PPP2R1A: variants seen among roughly 807,000 people sequenced by gnomAD.
PPP2R1A encodes the protein protein phosphatase 2 scaffold subunit Aalpha.
PPP2R1A carries 15 observed loss-of-function variants against 67.1 expected under a neutral mutation model. The ratio of observed to expected loss-of-function variants is 0.22; its 90% CI spans 0.15 to 0.34. The LOEUF (loss-of-function observed/expected upper bound fraction) is 0.34, where lower values mean the gene tolerates loss of function less well. Among genes scored for constraint, PPP2R1A ranks in the 10% least tolerant of loss-of-function variants. The pLI is 1.00. For missense variants in PPP2R1A, 369 were observed against 775.0 expected (o/e 0.48, Z 6.22); for synonymous variants, 337 against 325.0 (o/e 1.04, Z -0.40).
rs940712029 is a variant in PPP2R1A at position 52,213,526 on chromosome 19, C to T, written c.807+416C>T. Among the ~76,000 whole-genome samples the T allele has an allele frequency of 1.4e-4, 20 of 141,018 alleles. No individual in the cohort carries two copies. Among genetic ancestry groups the T allele is most frequent in the African/African-American group, 3.8e-4 (14 of 37,134 alleles). 92.5% of individuals were successfully genotyped at this position (141,018 alleles called of 152,430 possible). A position where few individuals can be genotyped will look rare whatever the true frequency, so the allele number is the denominator to read the frequency against. On this transcript the variant is annotated intron_variant, in intron 6 of 14. Coordinates refer to ENST00000322088, the MANE Select transcript of PPP2R1A (RefSeq NM_014225.6). The surrounding 1 kb of genome is among the most constrained non-coding windows in gnomAD (Gnocchi z 4.2). ...TCGCCCAGGCTAGAGTCTTGTTACC[C>T]AGCTGGAGTGTGGTGGCGCAATCTT...
In PPP2R1A at chr19:52,226,101, G is replaced by T. The variant is rs994091743; in HGVS notation, c.*120G>T. 1.4e-6 allele frequency: 2 copies of T among 1,479,092 alleles called. No individual in the cohort carries two copies. Among genetic ancestry groups the T allele is most frequent in the Admixed American group, 1.7e-5 (1 of 57,368 alleles). 91.6% of individuals were successfully genotyped at this position (1,479,092 alleles called of 1,614,324 possible). On this transcript the variant is annotated 3_prime_UTR_variant, in exon 15 of 15. Transcript: ENST00000322088. ...CTCCCTGTGCATGGTCTGACCCCAG[G>T]CCCCTTCCCCCAGCACGGTTCCTCC...
Position 52,202,033 on chromosome 19 carries a change from A to C in PPP2R1A, c.168A>C (p.Thr56=), listed in dbSNP as rs766816615. ...RTRSELLPFL[T]DTIYDEDEVL... ...GAAGTGAGCTTCTGCCTTTCCTTAC[A>C]GGTAACAAAGGGGACCCCTGGGGCC... The change falls in exon 2 of 15, where the codon ACA becomes ACC. Residue 56 remains threonine (T), a splice_region_variant and synonymous_variant. Coordinates refer to ENST00000322088, the MANE Select transcript of PPP2R1A (RefSeq NM_014225.6). The C allele has an allele frequency of 6.2e-7, 1 of 1,613,942 alleles. No homozygotes were observed. Among genetic ancestry groups the C allele is most frequent in the South Asian group, 1.1e-5 (1 of 91,068 alleles).
chr19:52,190,124 C>G lies in PPP2R1A; in HGVS notation c.28C>G (p.Leu10Val), dbSNP rs1298006628. MAAADGDDS[L>V]YPIAVLIDEL... ...GGCGGCGGCCGACGGCGACGACTCG[C>G]TGTACCCCATCGCGGTGCTCATAGA... is the stretch of plus-strand genomic sequence containing the variant. Residue 10 changes from leucine to valine, a missense_variant, in exon 1 of 15, where the codon CTG becomes GTG. Transcript: ENST00000322088. 6.4e-7 allele frequency: 1 copy of G among 1,550,546 alleles called. No homozygotes were observed. The highest frequency in any genetic ancestry group is 1.4e-5 in the African/African-American group (1 of 72,938).
intron 11 of PPP2R1A, 121 bp from the exon 12 acceptor site, chr19:52,220,855 TGGC>T: frequency 8.7e-7 from 1 of 1,154,638 alleles, no homozygotes; most frequent in African/African-American, 1.6e-5. Flanking sequence ...TTTCTCTCTT[TGGC>T]TCACATGCAG....
chr19:52,222,994 C>A (rs944292572), intron 13 of PPP2R1A, among the ~76,000 whole-genome samples: 16 of 152,202 alleles, frequency 1.1e-4, no homozygotes, highest in African/African-American at 3.6e-4. Flanking sequence ...ATTGACACTT[C>A]TAATGAACAA....
chr19:52,190,067 G>A lies in PPP2R1A; in HGVS notation c.-30G>A, dbSNP rs2122267362. Reference sequence around the variant, plus strand: ...CCCACGTTTCAGCACAGCGCTGGCCGCAGTCTGACAGGAAAGGGACGGAGC... The same window carrying A: ...CCCACGTTTCAGCACAGCGCTGGCCACAGTCTGACAGGAAAGGGACGGAGC... On this transcript the variant is annotated 5_prime_UTR_variant, in exon 1 of 15. Transcript: ENST00000322088. 1 of 1,537,938 alleles carries A rather than the reference G, an allele frequency of 6.5e-7. No individual in the cohort carries two copies. The highest frequency in any genetic ancestry group is 8.8e-7 in the Non-Finnish European group (1 of 1,138,342).
rs2089680871 is a variant in PPP2R1A at position 52,212,612 on chromosome 19, C to A, written c.504-74C>A. 3 of 1,554,524 alleles carry A rather than the reference C, an allele frequency of 1.9e-6. No individual in the cohort carries two copies. The highest frequency in any genetic ancestry group is 1.1e-5 in the South Asian group (1 of 87,246). On this transcript the variant is annotated intron_variant, in intron 4 of 14. Coordinates refer to ENST00000322088, the MANE Select transcript of PPP2R1A (RefSeq NM_014225.6). The surrounding 1 kb of genome is among the most constrained non-coding windows in gnomAD (Gnocchi z 4.1). The stretch of plus-strand genomic sequence containing the variant: ...CATTCAGCTAAAACCTGGACCCACA[C>A]AACTGCAGAGTCTGTGCTTGCTCCT...
rs2089680615 is a variant in PPP2R1A at position 52,212,583 on chromosome 19, A to G, written c.504-103A>G. ...CAGAGAGGGGGTCATCACTTGCCCA[A>G]GGTCATTCAGCTAAAACCTGGACCC... On this transcript the variant is annotated intron_variant, in intron 4 of 14. Coordinates refer to ENST00000322088, the MANE Select transcript of PPP2R1A (RefSeq NM_014225.6). This position sits in a 1 kb window ranked among gnomAD's most constrained non-coding sequence, Gnocchi z 4.1. 15 of 1,404,314 alleles carry G rather than the reference A, an allele frequency of 1.1e-5. No homozygotes were observed. The highest frequency in any genetic ancestry group is 3.9e-5 in the South Asian group (3 of 77,156). 87.0% of individuals were successfully genotyped at this position (1,404,314 alleles called of 1,614,324 possible). A position where few individuals can be genotyped will look rare whatever the true frequency, so the allele number is the denominator to read the frequency against.
intron 1 of PPP2R1A, among the ~76,000 whole-genome samples, chr19:52,192,011 T>C (rs913570493): frequency 7.3e-5 from 11 of 151,700 alleles, no homozygotes; most frequent in African/African-American, 2.7e-4. Context: ...AGACAGACAA[T>C]AAACAGAGTA....
At chr19:52,191,662 T>G (rs1053422505) in intron 1 of PPP2R1A, among the ~76,000 whole-genome samples, 1 of 152,236 alleles carries the variant, frequency 6.6e-6, no homozygotes, top group African/African-American at 2.4e-5. Context: ...TCTCTAGGCC[T>G]GTTTCCTCTT....
chr19:52,227,257 C>T lies in PPP2R1A; in HGVS notation c.*1276C>T, dbSNP rs2122387492. ...GCGTCATCCCCCACCTTTCCTCCTT[C>T]CTGCACTCTGGAATGTGGACCAGAT... On this transcript the variant is annotated 3_prime_UTR_variant, in exon 15 of 15. Transcript: ENST00000322088. 6.6e-6 allele frequency: 1 copy of T among 152,328 alleles called. No individual in the cohort carries two copies. The highest frequency in any genetic ancestry group is 2.1e-4 in the South Asian group (1 of 4,826). 9.4% of individuals were successfully genotyped at this position (152,328 alleles called of 1,614,324 possible). A position where few individuals can be genotyped will look rare whatever the true frequency, so the allele number is the denominator to read the frequency against.
At chr19:52,208,088 C>T (rs2089623559) in intron 3 of PPP2R1A, among the ~76,000 whole-genome samples, 2 of 152,198 alleles carry the variant, frequency 1.3e-5, no homozygotes, top group African/African-American at 4.8e-5. Flanking sequence ...GACCCACTCC[C>T]GGCCCTTGCT....
At chr19:52,194,847 G>A (rs2089484073) in intron 1 of PPP2R1A, among the ~76,000 whole-genome samples, 1 of 152,198 alleles carries the variant, frequency 6.6e-6, no homozygotes, top group Non-Finnish European at 1.5e-5. Flanking sequence ...GTCATATGGT[G>A]GGGATTGAGC....
At chr19:52,202,623 C>G (rs1378872305) in intron 2 of PPP2R1A, among the ~76,000 whole-genome samples, 2 of 152,140 alleles carry the variant, frequency 1.3e-5, no homozygotes, top group African/African-American at 2.4e-5. Context: ...TGAAGTGATT[C>G]ATTTGCCCAA....
At position 52,226,204 on chromosome 19, in the gene PPP2R1A, C is replaced by T. The variant is rs978492645; in HGVS notation, c.*223C>T. 5 of 653,392 alleles carry T rather than the reference C, an allele frequency of 7.7e-6. No homozygotes were observed. The highest frequency in any genetic ancestry group is 1.3e-5 in the Non-Finnish European group (5 of 388,524). The allele number at this position is 653,392 out of a possible 1,614,324, so 40.5% of individuals were successfully genotyped here. A position where few individuals can be genotyped will look rare whatever the true frequency, so the allele number is the denominator to read the frequency against. On this transcript the variant is annotated 3_prime_UTR_variant, in exon 15 of 15. Transcript: ENST00000322088. Reference sequence around the variant, plus strand: ...AGCACGGGGTTGGACAGGACAGTGACCTTGGGAGGAAGGGGCTACTCCGCC... The same window carrying T: ...AGCACGGGGTTGGACAGGACAGTGATCTTGGGAGGAAGGGGCTACTCCGCC...
rs2122312237 is a variant in PPP2R1A at position 52,206,004 on chromosome 19, G to A, written c.211G>A (p.Glu71Lys). ...DEDEVLLALA[E>K]QLGTFTTLVG... ...AGATGAGGTCCTCCTGGCCCTGGCAGAACAGCTGGGAACCTTCACTACCCT... is the reference window on the plus strand; with the variant it reads ...AGATGAGGTCCTCCTGGCCCTGGCAAAACAGCTGGGAACCTTCACTACCCT... The change falls in exon 3 of 15, where the codon GAA becomes AAA. Residue 71 changes from glutamate to lysine, a missense_variant. This residue lies in a region of PPP2R1A where 93 missense variants were observed against 266.5 expected (regional missense o/e 0.35). Coordinates refer to ENST00000322088, the MANE Select transcript of PPP2R1A (RefSeq NM_014225.6). 6.2e-7 allele frequency: 1 copy of A among 1,614,120 alleles called. No homozygotes were observed.
chr19:52,212,856 C>T lies in PPP2R1A; in HGVS notation c.651+23C>T. 1 of 1,582,678 alleles carries T rather than the reference C, an allele frequency of 6.3e-7. No homozygotes were observed. The highest frequency in any genetic ancestry group is 8.6e-7 in the Non-Finnish European group (1 of 1,162,384). ...CAGGTGAGTTTTGCTTCCTGGCCCT[C>T]TGCTCTCCCGTCCTTCTGGTGGTTC... On this transcript the variant is annotated intron_variant, in intron 5 of 14. Transcript: ENST00000322088. The surrounding 1 kb of genome is among the most constrained non-coding windows in gnomAD (Gnocchi z 4.1).
chr19:52,225,952 C>A lies in PPP2R1A; in HGVS notation c.1754-13C>A, dbSNP rs779225703. On this transcript the variant is annotated splice_polypyrimidine_tract_variant and intron_variant, in intron 14 of 14. Transcript: ENST00000322088. ...GCTCTGGTTCTGATTCTTGCCTGTT[C>A]CTGTTTTCCTAGTTCTGTCTCTCGC... 1 of 1,614,052 alleles carries A rather than the reference C, an allele frequency of 6.2e-7. No individual in the cohort carries two copies.
At position 52,213,054 on chromosome 19, in the gene PPP2R1A, G is replaced by T. The variant is rs777150923; in HGVS notation, c.751G>T (p.Ala251Ser). 2 of 1,609,844 alleles carry T rather than the reference G, an allele frequency of 1.2e-6. No individual in the cohort carries two copies. Among genetic ancestry groups the T allele is most frequent in the Admixed American group, 1.7e-5 (1 of 59,508 alleles). The change falls in exon 6 of 15, where the codon GCC (alanine) becomes TCC (serine). Residue 251 changes from alanine (A) to serine (S), a missense_variant. Transcript: ENST00000322088. This position sits in a 1 kb window ranked among gnomAD's most constrained non-coding sequence, Gnocchi z 4.2. ...EALVMPTLRQAAEDKSWRVRY... is the reference protein window; with the variant it reads ...EALVMPTLRQSAEDKSWRVRY... ...CCTGGTGATGCCCACTCTGCGCCAG[G>T]CCGCTGAAGACAAGTCCTGGCGCGT... is the stretch of plus-strand genomic sequence containing the variant.
Sources: gnomAD v4.1 joint callset for allele counts (sites outside exome capture counted in the v4.1 genomes callset) on GRCh38, gnomAD v4.1.1 for gene constraint, gnomAD v4.1.1 regional missense constraint, Gnocchi (gnomAD v3.1) non-coding constraint, MANE v1.5 for transcripts, NCBI Gene and HGNC (gene_info 2026-07-23, HGNC 2026-07-21) for gene names.